NFXL1: variants seen among roughly 807,000 people sequenced by gnomAD.
The protein encoded by NFXL1 is NF-X1-type zinc finger protein NFXL1.
A neutral mutation model predicts 123.3 loss-of-function variants in NFXL1; 66 were observed. The ratio of observed to expected loss-of-function variants is 0.54; its 90% CI spans 0.44 to 0.66. NFXL1 has a LOEUF of 0.66. Ranked by LOEUF, NFXL1 falls within the 30% of genes least tolerant of loss-of-function variation. The pLI is 0.00. For missense variants in NFXL1, 944 were observed against 1,125.6 expected (o/e 0.84, Z 2.31); for synonymous variants, 346 against 360.8 (o/e 0.96, Z 0.46).
At chr4:47,897,500 T>C (rs1737154165) in intron 9 of NFXL1, among the ~76,000 whole-genome samples, 1 of 152,152 alleles carries the variant, frequency 6.6e-6, no homozygotes, top group South Asian at 2.1e-4. Flanking sequence ...TATAACCTAT[T>C]ACATAATAAT....
chr4:47,909,149 G>A (rs1284201086), intron 3 of NFXL1, among the ~76,000 whole-genome samples: 1 of 151,930 alleles, frequency 6.6e-6, no homozygotes, highest in African/African-American at 2.4e-5. Context: ...CAACTCTACA[G>A]TATTTAGTAT....
chr4:47,883,705 A>C (rs1022018619), intron 15 of NFXL1, among the ~76,000 whole-genome samples: 3 of 152,204 alleles, frequency 2.0e-5, no homozygotes, highest in Non-Finnish European at 4.4e-5. Flanking sequence ...TCCTCTCTTT[A>C]AAAGACCAAT....
chr4:47,885,933 A>T lies in NFXL1; in HGVS notation c.1610T>A (p.Val537Glu). 4 of 1,613,808 alleles carry T rather than the reference A, an allele frequency of 2.5e-6. No individual in the cohort carries two copies. The highest frequency in any genetic ancestry group is 3.4e-6 in the Non-Finnish European group (4 of 1,179,688). ...KCNCGNTKVT[V>E]PCGRERTTRP... Reference sequence around the variant, plus strand: ...TGTGGTACGTTCTCGGCCACAGGGCACTGTCACCTTTGTATTGCCACAATT... The same window carrying T: ...TGTGGTACGTTCTCGGCCACAGGGCTCTGTCACCTTTGTATTGCCACAATT... The change falls in exon 13 of 23, where the codon GTG becomes GAG. Residue 537 changes from valine (V) to glutamate (E), a missense_variant. Transcript: ENST00000507489.
intron 15 of NFXL1, chr4:47,882,275 A>G (rs1028863064): frequency 6.6e-6 from 1 of 152,226 alleles, no homozygotes; most frequent in Non-Finnish European, 1.5e-5. Context: ...TGAAATGTCA[A>G]AAGAGTTCTC....
At chr4:47,875,545 AT>A (rs1230115984) in intron 17 of NFXL1, among the ~76,000 whole-genome samples, 1 of 152,170 alleles carries the variant, frequency 6.6e-6, no homozygotes, top group Non-Finnish European at 1.5e-5. Context: ...AAACTGCCTC[AT>A]TTTTAAAGGA....
rs1360496098 is a variant in NFXL1 at position 47,878,721 on chromosome 4, A to G, written c.1939-56T>C. On this transcript the variant is annotated intron_variant, in intron 16 of 22. Coordinates refer to ENST00000507489, the MANE Select transcript of NFXL1 (RefSeq NM_001278624.2). The stretch of plus-strand genomic sequence containing the variant: ...ACATTACTCAAACGTTTCTGGACAT[A>G]TTATATGTTTCCAAAATTACTCTGC... 1.1e-5 allele frequency: 15 copies of G among 1,310,688 alleles called. No homozygotes were observed. The East Asian group carries it at 3.8e-4, about 33-fold the overall frequency. 81.2% of individuals were successfully genotyped at this position (1,310,688 alleles called of 1,614,324 possible).
intron 14 of NFXL1, 112 bp from the exon 15 acceptor site, chr4:47,884,549 T>G (rs985080590): frequency 3.3e-6 from 2 of 598,626 alleles, no homozygotes; most frequent in Non-Finnish European, 6.0e-6. Flanking sequence ...GTTGAAATTT[T>G]TTCAAATAAT....
intron 19 of NFXL1, among the ~76,000 whole-genome samples, chr4:47,858,039 T>C (rs772235522): frequency 2.7e-4 from 41 of 152,202 alleles, no homozygotes; most frequent in Non-Finnish European, 5.7e-4. Context: ...AATTTGCAAC[T>C]AGGAAAACTG....
At position 47,899,462 on chromosome 4, in the gene NFXL1, T is replaced by C; in HGVS notation, c.734A>G (p.Asp245Gly). The C allele has an allele frequency of 6.2e-7, 1 of 1,613,554 alleles. No individual in the cohort carries two copies. The highest frequency in any genetic ancestry group is 8.5e-7 in the Non-Finnish European group (1 of 1,179,504). ...YCGKVEDPPL[D>G]PWLVPHSCGQ... is the part of the protein sequence containing the mutation. ...ACATGAATGAGGCACAAGCCACGGA[T>C]CTAAAGGTGGATCTTCTACTTTTCC... is the stretch of plus-strand genomic sequence containing the variant. Residue 245 changes from aspartate (D) to glycine (G), a missense_variant, in exon 6 of 23, where the codon GAT (aspartate) becomes GGT (glycine). Asp to Gly is a moderately conservative substitution (Grantham distance 94). This residue lies in a region of NFXL1 where 296 missense variants were observed against 395.1 expected (regional missense o/e 0.75). Coordinates refer to ENST00000507489, the MANE Select transcript of NFXL1 (RefSeq NM_001278624.2).
At chr4:47,886,216 T>C (rs1166991595) in intron 12 of NFXL1, among the ~76,000 whole-genome samples, 1 of 151,828 alleles carries the variant, frequency 6.6e-6, no homozygotes, top group Non-Finnish European at 1.5e-5. Flanking sequence ...CAAGAAAAAA[T>C]GTACTGTTCA....
At chr4:47,866,857 T>C (rs902417914) in intron 18 of NFXL1, among the ~76,000 whole-genome samples, 3 of 152,252 alleles carry the variant, frequency 2.0e-5, no homozygotes, top group Admixed American at 2.0e-4. Flanking sequence ...AGGCTGCCTA[T>C]GTAGCCTTCC....
At chr4:47,898,903 A>G in intron 7 of NFXL1, 46 bp from the exon 8 acceptor site, 1 of 1,602,052 alleles carries the variant, frequency 6.2e-7, no homozygotes, top group Non-Finnish European at 8.6e-7. Context: ...AAAGCAATAA[A>G]GATTGCTTTG....
At chr4:47,854,312 A>G (rs1734283645) in intron 20 of NFXL1, among the ~76,000 whole-genome samples, 1 of 152,144 alleles carries the variant, frequency 6.6e-6, no homozygotes, top group Admixed American at 6.6e-5. Flanking sequence ...ATGAAGGAAA[A>G]AAAAGGAGTT....
chr4:47,909,462 A>G (rs1012658118), intron 3 of NFXL1, among the ~76,000 whole-genome samples: 2 of 152,164 alleles, frequency 1.3e-5, no homozygotes, highest in African/African-American at 4.8e-5. Flanking sequence ...ACTCTAGGAA[A>G]GTCACCTCTC....
Position 47,914,108 on chromosome 4 carries a change from G to A in NFXL1, c.96C>T (p.Gly32=), listed in dbSNP as rs746109530. 1.3e-6 allele frequency: 2 copies of A among 1,552,654 alleles called. No homozygotes were observed. Among genetic ancestry groups the A allele is most frequent in the South Asian group, 1.2e-5 (1 of 84,276 alleles). The change falls in exon 2 of 23, where the codon GGC becomes GGT. Residue 32 remains glycine (G), a synonymous_variant. Coordinates refer to ENST00000507489, the MANE Select transcript of NFXL1 (RefSeq NM_001278624.2). ...APSGNGVHLR[G]AGGGREKGSV... ...ACCCCTTCTCTCGCCCTCCTCCGGC[G>A]CCGCGGAGATGGACTCCATTTCCTG...
chr4:47,898,746 T>TATA lies in NFXL1; in HGVS notation c.1089+8_1089+10dup, dbSNP rs1373190032. ...TTTAATACCCACCCCTCAAAATGCA[T>TATA]ATAAACTTACTTGATCACAGTGCCA... On this transcript the variant is annotated intron_variant, in intron 8 of 22. Coordinates refer to ENST00000507489, the MANE Select transcript of NFXL1 (RefSeq NM_001278624.2). The TATA allele has an allele frequency of 6.8e-7, 1 of 1,461,128 alleles. No homozygotes were observed. Among genetic ancestry groups the TATA allele is most frequent in the African/African-American group, 1.4e-5 (1 of 71,992 alleles). The allele number at this position is 1,461,128 out of a possible 1,614,324, so 90.5% of individuals were successfully genotyped here. A position where few individuals can be genotyped will look rare whatever the true frequency, so the allele number is the denominator to read the frequency against.
chr4:47,906,064 C>T (rs1394446829), intron 3 of NFXL1, among the ~76,000 whole-genome samples: 1 of 152,106 alleles, frequency 6.6e-6, no homozygotes, highest in African/African-American at 2.4e-5. Flanking sequence ...TTCAGTTTGC[C>T]TACAAAGTGA....
intron 17 of NFXL1, chr4:47,877,329 A>G (rs1490228960): frequency 2.8e-6 from 1 of 355,062 alleles, no homozygotes; most frequent in African/African-American, 2.1e-5. Context: ...AGGAAAGACT[A>G]TCTTAGTTAA....
Position 47,885,492 on chromosome 4 carries a change from C to A in NFXL1, c.1824+6G>T. 6.2e-7 allele frequency: 1 copy of A among 1,606,716 alleles called. No individual in the cohort carries two copies. The highest frequency in any genetic ancestry group is 8.5e-7 in the Non-Finnish European group (1 of 1,174,264). On this transcript the variant is annotated splice_donor_region_variant and intron_variant, in intron 14 of 22. Coordinates refer to ENST00000507489, the MANE Select transcript of NFXL1 (RefSeq NM_001278624.2). Reference sequence around the variant, plus strand: ...CACTATTTCTCTAATAGTATTATTCCCTTACCCTGCCAGTCTGCTTTATTA... The same window carrying A: ...CACTATTTCTCTAATAGTATTATTCACTTACCCTGCCAGTCTGCTTTATTA...
Sources: gnomAD v4.1 joint callset for allele counts (sites outside exome capture counted in the v4.1 genomes callset) on GRCh38, gnomAD v4.1.1 for gene constraint, gnomAD v4.1.1 regional missense constraint, MANE v1.5 for transcripts, NCBI Gene and HGNC (gene_info 2026-07-23, HGNC 2026-07-21) for gene names.